DGLUCY: variants seen among roughly 807,000 people sequenced by gnomAD.
DGLUCY encodes the protein D-glutamate cyclase.
In DGLUCY, 58 loss-of-function variants were observed where a neutral mutation model predicts 58.5. The observed-to-expected ratio is 0.99, with a 90% CI of 0.80 to 1.23. DGLUCY has a LOEUF of 1.23. DGLUCY is among the 50% of genes most tolerant of loss of function. The pLI, the probability that DGLUCY is intolerant of heterozygous loss-of-function variation, is 0.00. For missense variants in DGLUCY, 779 were observed against 784.7 expected (o/e 0.99, Z 0.09); for synonymous variants, 325 against 314.1 (o/e 1.03, Z -0.37).
At chr14:91,135,653 T>TAAAAAA (rs60532081) in intron 1 of DGLUCY, among the ~76,000 whole-genome samples, 5 of 100,272 alleles carry the variant, frequency 5.0e-5, no homozygotes, top group Non-Finnish European at 3.7e-5. Flanking sequence ...TCTGCCTCAT[T>TAAAAAA]AAAAAAAAAA....
intron 1 of DGLUCY, among the ~76,000 whole-genome samples, chr14:91,109,012 G>C (rs1341437972): frequency 6.6e-6 from 1 of 152,064 alleles, no homozygotes; most frequent in African/African-American, 2.4e-5. Context: ...AAAGCTGGCT[G>C]CTCCTTGCCT....
chr14:91,173,833 C>T (rs2048710114), intron 6 of DGLUCY: 1 of 154,608 alleles, frequency 6.5e-6, no homozygotes, highest in African/African-American at 2.4e-5. Flanking sequence ...TTTACCGAGG[C>T]TTAATAATAC....
At chr14:91,121,719 A>G (rs1426632820) in intron 1 of DGLUCY, among the ~76,000 whole-genome samples, 2 of 151,992 alleles carry the variant, frequency 1.3e-5, no homozygotes, top group Admixed American at 6.6e-5. Flanking sequence ...CCAGATTTTC[A>G]TTATTTATCT....
intron 12 of DGLUCY, among the ~76,000 whole-genome samples, chr14:91,207,216 T>C (rs1884890996): frequency 7.5e-6 from 1 of 133,216 alleles, no homozygotes; most frequent in Non-Finnish European, 1.6e-5. Flanking sequence ...GTAACAGAAA[T>C]GCAGAATGCC....
At chr14:91,214,969 T>C (rs1247608173) in intron 12 of DGLUCY, among the ~76,000 whole-genome samples, 2 of 152,076 alleles carry the variant, frequency 1.3e-5, no homozygotes, top group Non-Finnish European at 1.5e-5. Context: ...GCCAATATGG[T>C]GAAACCCCGT....
chr14:91,103,679 A>G (rs1180326628), upstream of DGLUCY, among the ~76,000 whole-genome samples: 3 of 151,652 alleles, frequency 2.0e-5, no homozygotes, highest in African/African-American at 4.8e-5. Context: ...CTCTCTTTAT[A>G]TATCTCTCTC....
At chr14:91,127,073 T>TG (rs2045743076) in intron 1 of DGLUCY, among the ~76,000 whole-genome samples, 2 of 150,576 alleles carry the variant, frequency 1.3e-5, no homozygotes, top group Non-Finnish European at 3.0e-5. Flanking sequence ...TTTTTTTTTT[T>TG]TGAGATAGAA....
intron 12 of DGLUCY, among the ~76,000 whole-genome samples, chr14:91,205,762 CTTCTTCTTCT>C (rs2140640509): frequency 1.2e-5 from 1 of 82,718 alleles, no homozygotes; most frequent in Non-Finnish European, 2.4e-5. Flanking sequence ...TTCTCTTCTT[CTTCTTCTTCT>C]TCTTCTTCTT....
At chr14:91,121,075 C>T (rs369815912) in intron 1 of DGLUCY, among the ~76,000 whole-genome samples, 21 of 152,154 alleles carry the variant, frequency 1.4e-4, no homozygotes, top group African/African-American at 4.3e-4. Flanking sequence ...GCCAACCACT[C>T]ACACTGTCAC....
chr14:91,105,538 C>G (rs1266786479), upstream of DGLUCY, among the ~76,000 whole-genome samples: 1 of 152,026 alleles, frequency 6.6e-6, no homozygotes, highest in Non-Finnish European at 1.5e-5. Context: ...AGAGAGCTTG[C>G]CTATGGTGAA....
Position 91,114,076 on chromosome 14 carries a change from C to T in DGLUCY, c.-289C>T, listed in dbSNP as rs1055772049. ...GCTGCATGGGCCACGTGAGCTCAGG[C>T]TGTGGGAGCGGATGGAGCTGCTACA... is the stretch of plus-strand genomic sequence containing the variant. On this transcript the variant is annotated 5_prime_UTR_variant, in exon 1 of 14. Transcript: ENST00000256324. 2 of 152,370 alleles carry T rather than the reference C, an allele frequency of 1.3e-5. No homozygotes were observed. Among genetic ancestry groups the T allele is most frequent in the Non-Finnish European group, 1.5e-5 (1 of 68,150 alleles). 9.4% of individuals were successfully genotyped at this position (152,370 alleles called of 1,614,324 possible). A position where few individuals can be genotyped will look rare whatever the true frequency, so the allele number is the denominator to read the frequency against.
intron 13 of DGLUCY, chr14:91,220,723 C>A (rs1239702399): frequency 4.4e-6 from 2 of 451,518 alleles, no homozygotes; most frequent in East Asian, 1.4e-4. Flanking sequence ...ATTATACCAG[C>A]CCCATCTTGC....
chr14:91,137,329 T>C (rs1370345529), intron 1 of DGLUCY, among the ~76,000 whole-genome samples: 1 of 152,012 alleles, frequency 6.6e-6, no homozygotes, highest in African/African-American at 2.4e-5. Context: ...GAGTGTAGAA[T>C]GTGACCTCTT....
At chr14:91,145,869 C>G (rs1283111337) in intron 1 of DGLUCY, among the ~76,000 whole-genome samples, 1 of 152,018 alleles carries the variant, frequency 6.6e-6, no homozygotes, top group Admixed American at 6.6e-5. Context: ...ATTTCCTTTT[C>G]CCTCTTTAAT....
At chr14:91,159,540 A>T (rs991740299) in intron 2 of DGLUCY, among the ~76,000 whole-genome samples, 4 of 152,188 alleles carry the variant, frequency 2.6e-5, no homozygotes, top group African/African-American at 9.6e-5. Context: ...TCTATTTTTT[A>T]AAAATCATAT....
chr14:91,204,847 C>T, intron 12 of DGLUCY, 22 bp downstream of exon 12: 1 of 1,613,686 alleles, frequency 6.2e-7, no homozygotes, highest in Non-Finnish European at 8.5e-7. Flanking sequence ...GATGGCCGCC[C>T]AGTCCGGCCG....
At chr14:91,108,662 C>G (rs2044642169) in intron 1 of DGLUCY, among the ~76,000 whole-genome samples, 2 of 152,080 alleles carry the variant, frequency 1.3e-5, no homozygotes, top group African/African-American at 4.8e-5. Flanking sequence ...CTCAGCCTCC[C>G]TGGTAGTTGG....
intron 8 of DGLUCY, among the ~76,000 whole-genome samples, chr14:91,181,959 A>G (rs2049202242): frequency 7.1e-6 from 1 of 139,986 alleles, no homozygotes; most frequent in Non-Finnish European, 1.5e-5. Flanking sequence ...TTTCTTCTTT[A>G]TGGCTTTTTA....
chr14:91,142,040 T>A (rs1441893290), intron 1 of DGLUCY, among the ~76,000 whole-genome samples: 1 of 151,818 alleles, frequency 6.6e-6, no homozygotes, highest in Non-Finnish European at 1.5e-5. Flanking sequence ...GAGACGAGGT[T>A]TCATCATGTT....
Sources: gnomAD v4.1 joint callset for allele counts (sites outside exome capture counted in the v4.1 genomes callset) on GRCh38, gnomAD v4.1.1 for gene constraint, MANE v1.5 for transcripts, NCBI Gene and HGNC (gene_info 2026-07-23, HGNC 2026-07-21) for gene names.